ASB3: variants seen among roughly 807,000 people sequenced by gnomAD.
ASB3 encodes ankyrin repeat and SOCS box containing 3.
A neutral mutation model predicts 54.5 loss-of-function variants in ASB3; 41 were observed. The observed-to-expected ratio is 0.75, with a 90% CI of 0.59 to 0.98. ASB3 has a LOEUF of 0.98. Ranked by LOEUF, ASB3 falls within the 50% of genes least tolerant of loss-of-function variation. The pLI is 0.00. For synonymous variants in ASB3, 266 were observed against 221.2 expected (o/e 1.20, Z -1.80); for missense variants, 733 against 620.0 (o/e 1.18, Z -1.94).
At chr2:53,729,598 T>C (rs772407091) in intron 3 of ASB3, 28 bp from the exon 4 acceptor site, 1 of 1,606,368 alleles carries the variant, frequency 6.2e-7, no homozygotes, top group Admixed American at 1.7e-5. Flanking sequence ...GAAAAATTAA[T>C]GTCAGCAAAA....
Position 53,684,482 on chromosome 2 carries a change from A to G in ASB3, c.1369+9402T>C, listed in dbSNP as rs114345670. 1.4e-3 allele frequency among the ~76,000 whole-genome samples: 211 copies of G among 152,354 alleles called. 1 individual carries two copies. Among genetic ancestry groups the G allele is most frequent in the African/African-American group, 4.9e-3 (202 of 41,592 alleles). Reference sequence around the variant, plus strand: ...TAGACGAACAGTTTTAGGATCAGCCATAATGATTCTCATGGTTCTCACTGA... The same window carrying G: ...TAGACGAACAGTTTTAGGATCAGCCGTAATGATTCTCATGGTTCTCACTGA... On this transcript the variant is annotated intron_variant, in intron 9 of 9. Coordinates refer to ENST00000263634, the MANE Select transcript of ASB3 (RefSeq NM_016115.5).
In ASB3 at chr2:53,724,517, T is replaced by C. The variant is rs558906366; in HGVS notation, c.604+4195A>G. Among the ~76,000 whole-genome samples the C allele has an allele frequency of 2.0e-5, 3 of 151,812 alleles. No homozygotes were observed. In the East Asian group the frequency reaches 5.8e-4, roughly 29 times the overall value. On this transcript the variant is annotated intron_variant, in intron 5 of 9. Coordinates refer to ENST00000263634, the MANE Select transcript of ASB3 (RefSeq NM_016115.5). Reference sequence around the variant, plus strand: ...GGGAGGCTGAGGCAGGAGAATCACTTGAACCCAGGAGGCAGAGGTTGCAGT... The same window carrying C: ...GGGAGGCTGAGGCAGGAGAATCACTCGAACCCAGGAGGCAGAGGTTGCAGT...
At chr2:53,719,663 G>T (rs1236042238) in intron 5 of ASB3, among the ~76,000 whole-genome samples, 1 of 151,268 alleles carries the variant, frequency 6.6e-6, no homozygotes, top group Admixed American at 6.6e-5. Flanking sequence ...CTTGTGATAA[G>T]CCCCCTCACC....
At chr2:53,771,205 A>G (rs1485733618) in intron 1 of ASB3, among the ~76,000 whole-genome samples, 1 of 152,136 alleles carries the variant, frequency 6.6e-6, no homozygotes, top group African/African-American at 2.4e-5. Context: ...CCTTTATGTC[A>G]TATTTTTTTT....
At chr2:53,721,254 T>C (rs1670691360) in intron 5 of ASB3, among the ~76,000 whole-genome samples, 1 of 151,470 alleles carries the variant, frequency 6.6e-6, no homozygotes, top group South Asian at 2.1e-4. Context: ...CACAATTACA[T>C]AGAAATTAAC....
intron 2 of ASB3, among the ~76,000 whole-genome samples, chr2:53,755,189 C>T (rs1392628028): frequency 6.6e-6 from 1 of 152,208 alleles, no homozygotes. Flanking sequence ...TGAGTTATTT[C>T]CTGGGAATAC....
rs80029529 is a variant in ASB3, at chr2:53,670,114, A to G, written c.*389T>C. 12,653 of 171,428 alleles carry G rather than the reference A, an allele frequency of 0.074. 624 individuals carry two copies. The highest frequency in any genetic ancestry group is 0.11 in the Non-Finnish European group (8,813 of 81,396). The allele number at this position is 171,428 out of a possible 1,614,324, so 10.6% of individuals were successfully genotyped here. On this transcript the variant is annotated 3_prime_UTR_variant, in exon 10 of 10. Coordinates refer to ENST00000263634, the MANE Select transcript of ASB3 (RefSeq NM_016115.5). ...TTTATGCATTCCATTCTGAGCTCCT[A>G]ATACCAGGTAAACACGAATCATAGG...
At chr2:53,690,045 G>A (rs181620467) in intron 9 of ASB3, among the ~76,000 whole-genome samples, 3 of 151,804 alleles carry the variant, frequency 2.0e-5, no homozygotes, top group East Asian at 1.9e-4. Context: ...AGAGCAGCCC[G>A]GGTAACATGG....
At chr2:53,681,987 G>A (rs1292867199) in intron 9 of ASB3, among the ~76,000 whole-genome samples, 1 of 151,620 alleles carries the variant, frequency 6.6e-6, no homozygotes, top group African/African-American at 2.4e-5. Flanking sequence ...GTGAAACCTC[G>A]TCTCTACTAA....
chr2:53,776,445 A>G (rs1372742694), intron 1 of ASB3, among the ~76,000 whole-genome samples: 7 of 152,166 alleles, frequency 4.6e-5, no homozygotes, highest in Non-Finnish European at 8.8e-5. Flanking sequence ...ATCTTTTTTC[A>G]GCAAAAATAC....
chr2:53,695,267 C>T (rs1225550832), intron 8 of ASB3, among the ~76,000 whole-genome samples: 2 of 152,082 alleles, frequency 1.3e-5, no homozygotes, highest in African/African-American at 4.8e-5. Context: ...AAAATTATTT[C>T]CCAAATTCTT....
At chr2:53,761,367 C>A (rs1003998587) in intron 2 of ASB3, among the ~76,000 whole-genome samples, 4 of 152,262 alleles carry the variant, frequency 2.6e-5, no homozygotes, top group African/African-American at 9.6e-5. Flanking sequence ...CAGCAACCCC[C>A]TTTGGGTCCC....
chr2:53,710,226 C>T (rs1670018922), intron 7 of ASB3, among the ~76,000 whole-genome samples: 1 of 152,190 alleles, frequency 6.6e-6, no homozygotes, highest in African/African-American at 2.4e-5. Flanking sequence ...GCATGTCTTC[C>T]CCTTTGTTAA....
intron 7 of ASB3, among the ~76,000 whole-genome samples, chr2:53,714,056 TAA>T (rs1670254491): frequency 6.6e-6 from 1 of 152,232 alleles, no homozygotes; most frequent in African/African-American, 2.4e-5. Flanking sequence ...CCTTACTTGA[TAA>T]AGCCCCATTT....
chr2:53,700,240 G>A, intron 8 of ASB3, 31 bp downstream of exon 8: 5 of 1,598,104 alleles, frequency 3.1e-6, no homozygotes, highest in Non-Finnish European at 4.3e-6. Context: ...CACTCAAAAA[G>A]GGTAAGCCCG....
rs114065266 is a variant in ASB3, at chr2:53,716,833, C to G, written c.605-90G>C. 8.0e-4 allele frequency: 1,105 copies of G among 1,379,242 alleles called. 10 individuals are homozygous for G. In the African/African-American group the frequency reaches 0.015, roughly 18 times the overall value. 85.4% of individuals were successfully genotyped at this position (1,379,242 alleles called of 1,614,324 possible). A position where few individuals can be genotyped will look rare whatever the true frequency, so the allele number is the denominator to read the frequency against. ...CAAAGGAACTACCATAAAAGGGTTT[C>G]GTAGCACGGTAAGCTTTTCCCTCTT... is the stretch of plus-strand genomic sequence containing the variant. On this transcript the variant is annotated intron_variant, in intron 5 of 9. Coordinates refer to ENST00000263634, the MANE Select transcript of ASB3 (RefSeq NM_016115.5).
intron 7 of ASB3, among the ~76,000 whole-genome samples, chr2:53,714,008 A>G (rs150133585): frequency 6.6e-6 from 1 of 152,320 alleles, no homozygotes; most frequent in African/African-American, 2.4e-5. Flanking sequence ...CTTATATCTT[A>G]TAAATTTGAA....
intron 9 of ASB3, among the ~76,000 whole-genome samples, chr2:53,673,579 T>A (rs532197439): frequency 1.3e-5 from 2 of 152,196 alleles, no homozygotes; most frequent in Non-Finnish European, 2.9e-5. Flanking sequence ...CCAGTTCGCA[T>A]TTGTTAGGAG....
chr2:53,725,524 A>G (rs541975455), intron 5 of ASB3, among the ~76,000 whole-genome samples: 1 of 152,230 alleles, frequency 6.6e-6, no homozygotes, highest in South Asian at 2.1e-4. Flanking sequence ...TTTAAAAGCT[A>G]ACCTCACTTT....
Sources: allele counts gnomAD v4.1 joint callset (sites outside exome capture counted in the v4.1 genomes callset), GRCh38; gene constraint gnomAD v4.1.1; transcripts MANE v1.5; gene names NCBI Gene and HGNC (gene_info 2026-07-23, HGNC 2026-07-21).